Variants in TRPM3 observed in about 807,000 individuals in gnomAD.
TRPM3 encodes transient receptor potential cation channel subfamily M member 3.
In TRPM3, 77 loss-of-function variants were observed where a neutral mutation model predicts 181.2. The observed-to-expected ratio is 0.42, with a 90% CI of 0.35 to 0.51. The LOEUF is 0.51. Ranked by LOEUF, TRPM3 falls within the 20% of genes least tolerant of loss-of-function variation. The pLI is 0.01. For missense variants in TRPM3, 1,759 were observed against 2,196.7 expected (o/e 0.80, Z 3.98); for synonymous variants, 745 against 796.4 (o/e 0.94, Z 1.09).
intron 8 of TRPM3, among the ~76,000 whole-genome samples, chr9:70,699,973 TTTTG>T (rs1237555095): frequency 5.3e-5 from 8 of 151,948 alleles, no homozygotes; most frequent in Non-Finnish European, 7.4e-5. Flanking sequence ...GGCTGCTCTT[TTTTG>T]TTTGTTTGTT....
At chr9:70,813,185 A>C (rs1235650532) in intron 6 of TRPM3, among the ~76,000 whole-genome samples, 4 of 152,182 alleles carry the variant, frequency 2.6e-5, no homozygotes, top group African/African-American at 9.6e-5. Flanking sequence ...TTCCTGTAGC[A>C]CTTTATATTA....
intron 3 of TRPM3, among the ~76,000 whole-genome samples, chr9:70,857,860 A>C (rs2095426954): frequency 6.6e-6 from 1 of 152,166 alleles, no homozygotes; most frequent in South Asian, 2.1e-4. Context: ...CCTTGGACAT[A>C]GGTATTAGTG....
intron 1 of TRPM3, among the ~76,000 whole-genome samples, chr9:70,875,441 G>A (rs2095854268): frequency 1.3e-5 from 2 of 151,906 alleles, no homozygotes; most frequent in Admixed American, 1.3e-4. Context: ...TTTACTTAGT[G>A]CAGAGTACAC....
chr9:71,014,275 G>T (rs900708281), intron 1 of TRPM3, among the ~76,000 whole-genome samples: 3 of 151,512 alleles, frequency 2.0e-5, no homozygotes, highest in Admixed American at 6.6e-5. Flanking sequence ...TTATATTTTT[G>T]CATTTTTCCA....
At chr9:71,398,905 G>T (rs542570217) in intron 1 of TRPM3, among the ~76,000 whole-genome samples, 1 of 152,114 alleles carries the variant, frequency 6.6e-6, no homozygotes, top group African/African-American at 2.4e-5. Context: ...TAATGAATAA[G>T]AGTAATGTAA....
chr9:70,688,426 T>C (rs1363409768), intron 8 of TRPM3, among the ~76,000 whole-genome samples: 24 of 152,216 alleles, frequency 1.6e-4, no homozygotes, highest in Non-Finnish European at 1.5e-5. Context: ...GTACCCAATA[T>C]TGTACCCAAC....
chr9:70,601,702 T>G (rs2060000689), intron 20 of TRPM3, among the ~76,000 whole-genome samples: 1 of 152,174 alleles, frequency 6.6e-6, no homozygotes, highest in Non-Finnish European at 1.5e-5. Context: ...CTATGCCTCT[T>G]CAGGAGAAAT....
intron 1 of TRPM3, among the ~76,000 whole-genome samples, chr9:71,234,087 G>T (rs1388256181): frequency 1.3e-5 from 2 of 152,196 alleles, no homozygotes; most frequent in Non-Finnish European, 2.9e-5. Context: ...TAATGAGGTT[G>T]CAGTCAAGAT....
chr9:71,180,304 C>A (rs979166580), intron 1 of TRPM3, among the ~76,000 whole-genome samples: 1 of 152,098 alleles, frequency 6.6e-6, no homozygotes, highest in Non-Finnish European at 1.5e-5. Context: ...ATCCACCCAC[C>A]TTGGCCTCCC....
rs1298773723 is a variant in TRPM3, at chr9:71,057,708, A to G, written c.177+63470T>C. Among the ~76,000 whole-genome samples the G allele has an allele frequency of 2.0e-5, 3 of 152,060 alleles. No individual in the cohort carries two copies. The East Asian group carries it at 5.8e-4, about 29-fold the overall frequency. On this transcript the variant is annotated intron_variant, in intron 1 of 25. Transcript: ENST00000677713. ...AAGCCAAAATCTGAACCAAGTTCTG[A>G]TGATAAAGTACATCATTTTCCCATT...
chr9:71,371,749 A>G (rs1413055184), intron 1 of TRPM3, among the ~76,000 whole-genome samples: 2 of 152,232 alleles, frequency 1.3e-5, no homozygotes, highest in East Asian at 3.8e-4. Flanking sequence ...TGTGGGTAGA[A>G]TGCTATCTAA....
At chr9:70,822,137 T>A (rs1304828194) in intron 6 of TRPM3, among the ~76,000 whole-genome samples, 1 of 152,188 alleles carries the variant, frequency 6.6e-6, no homozygotes, top group East Asian at 1.9e-4. Flanking sequence ...CCAGAAAGTG[T>A]CCCTTCCTAC....
At chr9:70,699,154 T>C (rs1484057813) in intron 8 of TRPM3, among the ~76,000 whole-genome samples, 1 of 152,164 alleles carries the variant, frequency 6.6e-6, no homozygotes, top group African/African-American at 2.4e-5. Context: ...TAAAAACTGC[T>C]TTTGGGGAGA....
intron 1 of TRPM3, among the ~76,000 whole-genome samples, chr9:71,062,633 T>C (rs561150669): frequency 6.6e-6 from 1 of 152,106 alleles, no homozygotes; most frequent in African/African-American, 2.4e-5. Context: ...AAAATTCATG[T>C]GTAGGAAATT....
chr9:71,171,659 G>A (rs770518980), intron 1 of TRPM3, among the ~76,000 whole-genome samples: 12 of 152,012 alleles, frequency 7.9e-5, no homozygotes, highest in East Asian at 1.9e-4. Flanking sequence ...GAAACAATAC[G>A]GTAATGAGGA....
At chr9:71,070,265 G>C (rs941865960) in intron 1 of TRPM3, among the ~76,000 whole-genome samples, 2 of 152,160 alleles carry the variant, frequency 1.3e-5, no homozygotes, top group African/African-American at 4.8e-5. Context: ...CATGCGGCAG[G>C]GTTTCTGCAT....
At chr9:71,226,071 G>GTT in intron 1 of TRPM3, among the ~76,000 whole-genome samples, 1 of 122,074 alleles carries the variant, frequency 8.2e-6, no homozygotes, top group Admixed American at 8.7e-5. Flanking sequence ...AGAGTTTTTA[G>GTT]TTTTTTTTTG....
intron 1 of TRPM3, among the ~76,000 whole-genome samples, chr9:71,041,894 C>A (rs1056682378): frequency 6.6e-6 from 1 of 152,052 alleles, no homozygotes; most frequent in Admixed American, 6.6e-5. Context: ...CTCAATCCTG[C>A]CTCAATATTT....
chr9:71,393,039 T>C (rs543731014), intron 1 of TRPM3, among the ~76,000 whole-genome samples: 1 of 152,282 alleles, frequency 6.6e-6, no homozygotes, highest in East Asian at 1.9e-4. Flanking sequence ...ACGATTTGTT[T>C]TCTAGGAAGG....
Sources: gnomAD v4.1 joint callset for allele counts (sites outside exome capture counted in the v4.1 genomes callset) on GRCh38, gnomAD v4.1.1 for gene constraint, MANE v1.5 for transcripts, NCBI Gene and HGNC (gene_info 2026-07-23, HGNC 2026-07-21) for gene names.